The following PRPF39 variants were observed in gnomAD, a reference collection of about 807,000 sequenced individuals.
PRPF39 encodes the protein pre-mRNA processing factor 39, also known as pre-mRNA-processing factor 39.
A neutral mutation model predicts 82.1 loss-of-function variants in PRPF39; 27 were observed. The ratio of observed to expected loss-of-function variants is 0.33; its 90% CI spans 0.24 to 0.45. PRPF39 has a LOEUF of 0.45. Among genes scored for constraint, PRPF39 ranks in the 20% least tolerant of loss-of-function variants. The pLI is 1.00. For missense variants in PRPF39, 581 were observed against 796.9 expected, an observed-to-expected ratio of 0.73 and a Z score of 3.26; for synonymous variants, 261 against 256.4, an observed-to-expected ratio of 1.02 and a Z score of -0.17.
intron 10 of PRPF39, among the ~76,000 whole-genome samples, chr14:45,112,098 T>G (rs547397660): frequency 6.6e-6 from 1 of 152,308 alleles, no homozygotes; most frequent in South Asian, 2.1e-4. Context: ...TTGCATTGTT[T>G]AGGAGGTACT....
At position 45,108,479 on chromosome 14, in the gene PRPF39, A is replaced by G; in HGVS notation, c.968A>G (p.Tyr323Cys). Reference protein sequence around the residue: ...IIEIHQEMFNYNEHEVSKRWT... With the variant: ...IIEIHQEMFNCNEHEVSKRWT... ...GAGATTCATCAAGAAATGTTTAATT[A>G]TAATGAGCATGAAGTTAGTAAAAGG... The change falls in exon 7 of 14, where the codon TAT becomes TGT. Residue 323 changes from tyrosine (Y) to cysteine (C), a missense_variant. Transcript: ENST00000355765. 1 of 1,603,338 alleles carries G rather than the reference A, an allele frequency of 6.2e-7. No homozygotes were observed. Among genetic ancestry groups the G allele is most frequent in the South Asian group, 1.1e-5 (1 of 88,828 alleles).
chr14:45,096,087 G>A lies in PRPF39; in HGVS notation c.325-16G>A, dbSNP rs931717301. 31 of 1,544,318 alleles carry A rather than the reference G, an allele frequency of 2.0e-5. No individual in the cohort carries two copies. Among genetic ancestry groups the A allele is most frequent in the Non-Finnish European group, 2.6e-5 (30 of 1,141,800 alleles). ...GAAATTTCCACAATATTTAAATACTGTTTTATTTTTATCAGAATCACTTGA... is the reference window on the plus strand; with the variant it reads ...GAAATTTCCACAATATTTAAATACTATTTTATTTTTATCAGAATCACTTGA... On this transcript the variant is annotated splice_polypyrimidine_tract_variant and intron_variant, in intron 2 of 13. Coordinates refer to ENST00000355765, the MANE Select transcript of PRPF39 (RefSeq NM_017922.4).
intron 3 of PRPF39, chr14:45,096,444 T>C (rs1207085275): frequency 6.1e-6 from 9 of 1,482,396 alleles, no homozygotes; most frequent in Non-Finnish European, 6.3e-6. Context: ...CCTCTACAGT[T>C]TGTCAAGCTT....
At chr14:45,101,435 G>A (rs905482332) in intron 4 of PRPF39, among the ~76,000 whole-genome samples, 2 of 151,940 alleles carry the variant, frequency 1.3e-5, no homozygotes, top group Admixed American at 6.6e-5. Context: ...ACATGACTAG[G>A]TATTTTAAAA....
chr14:45,085,816 A>C (rs565563233), intron 1 of PRPF39, among the ~76,000 whole-genome samples: 2 of 152,218 alleles, frequency 1.3e-5, no homozygotes, highest in East Asian at 3.9e-4. Flanking sequence ...GTTTTGCTCT[A>C]CCCAAAACTC....
chr14:45,114,736 A>G (rs1199819578), intron 13 of PRPF39, 121 bp from the exon 14 acceptor site: 2 of 1,399,868 alleles, frequency 1.4e-6, no homozygotes, highest in African/African-American at 2.9e-5. Flanking sequence ...GTGGTTAAGT[A>G]CTAGAATTTT....
intron 4 of PRPF39, 146 bp downstream of exon 4, chr14:45,097,151 T>C: frequency 7.7e-7 from 1 of 1,302,218 alleles, no homozygotes; most frequent in Middle Eastern, 2.8e-4. Context: ...TTAAGCTTTA[T>C]GATTTGAAAA....
intron 4 of PRPF39, among the ~76,000 whole-genome samples, chr14:45,098,933 G>T (rs1462263842): frequency 6.6e-6 from 1 of 152,172 alleles, no homozygotes; most frequent in African/African-American, 2.4e-5. Flanking sequence ...TAATTTTAAG[G>T]TTTGGTAAGC....
intron 2 of PRPF39, chr14:45,095,801 G>T (rs1884179771): frequency 1.9e-6 from 1 of 524,674 alleles, no homozygotes; most frequent in Non-Finnish European, 3.0e-6. Context: ...AAATGTGTGT[G>T]TAAAATTGCT....
chr14:45,087,584 T>G (rs1180177034), intron 1 of PRPF39, among the ~76,000 whole-genome samples: 1 of 151,208 alleles, frequency 6.6e-6, no homozygotes, highest in African/African-American at 2.4e-5. Flanking sequence ...TTTTGTTTTG[T>G]TTTTTTTGAG....
At chr14:45,097,803 TG>T (rs1884248056) in intron 4 of PRPF39, among the ~76,000 whole-genome samples, 1 of 152,242 alleles carries the variant, frequency 6.6e-6, no homozygotes, top group South Asian at 2.1e-4. Flanking sequence ...CTAATGTACT[TG>T]TTTTTGGTTT....
At chr14:45,113,870 T>C (rs1884763694) in intron 11 of PRPF39, among the ~76,000 whole-genome samples, 1 of 152,192 alleles carries the variant, frequency 6.6e-6, no homozygotes, top group African/African-American at 2.4e-5. Flanking sequence ...ACTGAATTGA[T>C]AGCACATGCA....
At chr14:45,086,783 C>T (rs1353316914) in intron 1 of PRPF39, among the ~76,000 whole-genome samples, 1 of 150,472 alleles carries the variant, frequency 6.6e-6, no homozygotes, top group Non-Finnish European at 1.5e-5. Flanking sequence ...TCTTGTTGAG[C>T]TGTGATCAGG....
chr14:45,108,178 G>A (rs1193657340), intron 6 of PRPF39, among the ~76,000 whole-genome samples: 4 of 152,070 alleles, frequency 2.6e-5, no homozygotes, highest in Admixed American at 6.6e-5. Context: ...CCTAGGTTGT[G>A]TATCTACTAG....
At chr14:45,087,706 T>G (rs1364893398) in intron 1 of PRPF39, among the ~76,000 whole-genome samples, 1 of 151,550 alleles carries the variant, frequency 6.6e-6, no homozygotes, top group Non-Finnish European at 1.5e-5. Context: ...CCTGAGAAGC[T>G]GGGACTACAG....
chr14:45,107,711 C>T, intron 6 of PRPF39, 95 bp downstream of exon 6: 1 of 1,274,968 alleles, frequency 7.8e-7, no homozygotes, highest in Non-Finnish European at 1.1e-6. Flanking sequence ...GGCGGGTCAC[C>T]TGAGGTCCGG....
intron 1 of PRPF39, among the ~76,000 whole-genome samples, chr14:45,088,883 C>T (rs1883928318): frequency 6.6e-6 from 1 of 152,150 alleles, no homozygotes; most frequent in Non-Finnish European, 1.5e-5. Context: ...CTATGCAAAG[C>T]ACTGTGCTAA....
At position 45,102,763 on chromosome 14, in the gene PRPF39, A is replaced by C; in HGVS notation, c.737+67A>C. 8 of 1,375,642 alleles carry C rather than the reference A, an allele frequency of 5.8e-6. 1 individual carries two copies. In the South Asian group the frequency reaches 1.1e-4, roughly 19 times the overall value. The allele number at this position is 1,375,642 out of a possible 1,614,324, so 85.2% of individuals were successfully genotyped here. A position where few individuals can be genotyped will look rare whatever the true frequency, so the allele number is the denominator to read the frequency against. On this transcript the variant is annotated intron_variant, in intron 5 of 13. Coordinates refer to ENST00000355765, the MANE Select transcript of PRPF39 (RefSeq NM_017922.4). ...CAGATAGTTGGTAATATTAAGTATTATAATTATCTTGGAATGTTATGTAAG... is the reference window on the plus strand; with the variant it reads ...CAGATAGTTGGTAATATTAAGTATTCTAATTATCTTGGAATGTTATGTAAG...
intron 4 of PRPF39, among the ~76,000 whole-genome samples, chr14:45,097,705 G>A (rs1427260447): frequency 6.6e-6 from 1 of 151,930 alleles, no homozygotes; most frequent in African/African-American, 2.4e-5. Flanking sequence ...GTTCTCATAT[G>A]CTTATATAAG....
Sources: gnomAD v4.1 joint callset for allele counts (sites outside exome capture counted in the v4.1 genomes callset) on GRCh38, gnomAD v4.1.1 for gene constraint, MANE v1.5 for transcripts, NCBI Gene and HGNC (gene_info 2026-07-23, HGNC 2026-07-21) for gene names.